The following KLF8 variants were observed in gnomAD, a reference collection of about 807,000 sequenced individuals.
KLF8 encodes KLF transcription factor 8.
Under a neutral mutation model 18.2 loss-of-function variants are expected in KLF8, and 10 were observed. The observed-to-expected ratio is 0.55, with a 90% confidence interval of 0.34 to 0.93. KLF8 has a LOEUF of 0.93. Among genes scored for constraint, KLF8 ranks in the 40% least tolerant of loss-of-function variants. KLF8 has a pLI of 0.02. For synonymous variants in KLF8, 109 were observed against 97.3 expected (o/e 1.12, Z -0.71); for missense variants, 264 against 277.9 (o/e 0.95, Z 0.36).
the KLF8 span, among the ~76,000 whole-genome samples, chrX:55,993,480 G>A: frequency 1.8e-5 from 2 of 111,937 alleles, no homozygotes; most frequent in South Asian, 3.7e-4. Context: ...TTAACTTTTT[G>A]TTGTGTTACT....
chrX:56,172,211 C>T, the KLF8 span, among the ~76,000 whole-genome samples: 89 of 110,429 alleles, frequency 8.1e-4, no homozygotes, highest in African/African-American at 2.8e-3. Flanking sequence ...CACCCATTAA[C>T]ATGTCATTTA....
Position 56,265,509 on chromosome X carries a change from T to G in KLF8, c.411T>G (p.Thr137=), listed in dbSNP as rs773889151. 3.8e-5 allele frequency: 46 copies of G among 1,210,349 alleles called. No homozygotes were observed. Among genetic ancestry groups the G allele is most frequent in the Non-Finnish European group, 4.9e-5 (44 of 895,256 alleles). The stretch of plus-strand genomic sequence containing the variant: ...TGAGCACTTCAGCAAACATTCCTAC[T>G]GTTCTGACCCCAGGCTCTGTCCTGA... The part of the protein sequence containing the change: ...SDMSTSANIP[T]VLTPGSVLTS... Residue 137 remains threonine (T), a synonymous_variant, in exon 3 of 6, where the codon ACT becomes ACG. Transcript: ENST00000468660.
chrX:55,944,810 T>C, the KLF8 span, among the ~76,000 whole-genome samples: 1 of 111,370 alleles, frequency 9.0e-6, no homozygotes, highest in Non-Finnish European at 1.9e-5. Context: ...TTTTGAAGGG[T>C]TTTTTGTGTC....
the KLF8 span, among the ~76,000 whole-genome samples, chrX:56,075,321 G>A: frequency 1.8e-5 from 2 of 111,021 alleles, no homozygotes; most frequent in African/African-American, 6.5e-5. Context: ...CTTGTACTTT[G>A]TAACTTTTCT....
At chrX:56,124,191 C>CT in the KLF8 span, among the ~76,000 whole-genome samples, 1 of 111,541 alleles carries the variant, frequency 9.0e-6, no homozygotes, top group African/African-American at 3.3e-5. Flanking sequence ...CTCCCTAATG[C>CT]TTTTTACACT....
Position 56,287,361 on chromosome X carries a change from A to C in KLF8, c.*2867A>C, listed in dbSNP as rs754568642. 36 of 112,382 alleles carry C rather than the reference A, an allele frequency of 3.2e-4. No individual in the cohort carries two copies. Among genetic ancestry groups the C allele is most frequent in the African/African-American group, 1.1e-3 (34 of 31,000 alleles). 9.3% of individuals were successfully genotyped at this position (112,382 alleles called of 1,213,427 possible). ...TTATAGAGTACAGTAATTCAAATAT[A>C]GCACAGTACAGAGTTTACCAAAAAC... On this transcript the variant is annotated 3_prime_UTR_variant, in exon 6 of 6. Coordinates refer to ENST00000468660, the MANE Select transcript of KLF8 (RefSeq NM_007250.5).
the KLF8 span, among the ~76,000 whole-genome samples, chrX:56,077,048 G>T: frequency 1.8e-5 from 2 of 111,453 alleles, no homozygotes; most frequent in Non-Finnish European, 3.8e-5. Context: ...TTAGCCCTTT[G>T]TCAGATGAGT....
the KLF8 span, among the ~76,000 whole-genome samples, chrX:56,154,193 T>C: frequency 1.8e-5 from 2 of 111,584 alleles, no homozygotes; most frequent in Non-Finnish European, 3.8e-5. Flanking sequence ...ACTACAAGGC[T>C]ACAGTAACCA....
chrX:56,243,033 G>A, intron 1 of KLF8: 1 of 508,822 alleles, frequency 2.0e-6, no homozygotes, highest in Non-Finnish European at 3.6e-6. Context: ...AAATCAGGGT[G>A]TTGATTTGCC....
At chrX:55,980,846 C>G in the KLF8 span, among the ~76,000 whole-genome samples, 5 of 112,067 alleles carry the variant, frequency 4.5e-5, no homozygotes, top group East Asian at 1.1e-3. Flanking sequence ...TTAGGCTTCT[C>G]CCCCCCTCCA....
chrX:56,019,357 T>C, the KLF8 span, among the ~76,000 whole-genome samples: 1 of 112,568 alleles, frequency 8.9e-6, no homozygotes, highest in African/African-American at 3.2e-5. Context: ...GCTGCTGTTT[T>C]AGAATCTTCC....
chrX:56,140,103 A>G, the KLF8 span, among the ~76,000 whole-genome samples: 2 of 112,424 alleles, frequency 1.8e-5, no homozygotes, highest in African/African-American at 6.5e-5. Context: ...AAGTCAAAAA[A>G]TAACTGTTGC....
chrX:55,956,158 T>TATC, the KLF8 span, among the ~76,000 whole-genome samples: 171 of 91,634 alleles, frequency 1.9e-3, 2 homozygotes, highest in African/African-American at 8.3e-3. Flanking sequence ...TCTATCTATC[T>TATC]ATCTATCTAT....
the KLF8 span, among the ~76,000 whole-genome samples, chrX:56,014,457 T>A: frequency 8.9e-6 from 1 of 111,826 alleles, no homozygotes; most frequent in Non-Finnish European, 1.9e-5. Flanking sequence ...GAATGGCAAT[T>A]ATTAAAAAGT....
At chrX:56,179,250 G>T in the KLF8 span, among the ~76,000 whole-genome samples, 1 of 111,729 alleles carries the variant, frequency 9.0e-6, no homozygotes, top group African/African-American at 3.3e-5. Context: ...ACTCTTAGTA[G>T]CAATTGTGAA....
At chrX:56,159,874 A>G in the KLF8 span, among the ~76,000 whole-genome samples, 24 of 110,367 alleles carry the variant, frequency 2.2e-4, no homozygotes, top group Admixed American at 3.9e-4. Context: ...GGGTTTTTTT[A>G]TGTCTCTATT....
the KLF8 span, among the ~76,000 whole-genome samples, chrX:55,950,518 T>C: frequency 1.8e-5 from 2 of 111,595 alleles, no homozygotes; most frequent in Non-Finnish European, 3.8e-5. Context: ...AAAGGAAAGG[T>C]GATGATAATG....
the KLF8 span, among the ~76,000 whole-genome samples, chrX:56,154,100 C>T: frequency 3.0e-3 from 329 of 110,511 alleles, no homozygotes; most frequent in African/African-American, 0.01. Context: ...CATATGGAAC[C>T]AAAAAAAGAG....
chrX:56,155,006 G>T, the KLF8 span, among the ~76,000 whole-genome samples: 1 of 112,124 alleles, frequency 8.9e-6, no homozygotes, highest in African/African-American at 3.2e-5. Context: ...CACTGTTGGT[G>T]GGACTGTAAA....
Sources: allele counts gnomAD v4.1 joint callset (sites outside exome capture counted in the v4.1 genomes callset), GRCh38; gene constraint gnomAD v4.1.1; transcripts MANE v1.5; gene names NCBI Gene and HGNC (gene_info 2026-07-23, HGNC 2026-07-21).